The following KIF15 variants were observed in gnomAD, a reference collection of about 807,000 sequenced individuals.
KIF15 encodes kinesin-like protein KIF15.
Under a neutral mutation model 190.6 loss-of-function variants are expected in KIF15, and 140 were observed. That is an observed-to-expected ratio of 0.73 (90% confidence interval 0.64 to 0.84). The LOEUF is 0.84. KIF15 is among the 40% of genes least tolerant of loss of function. The pLI is 0.00. For synonymous variants in KIF15, 528 were observed against 551.3 expected (o/e 0.96, Z 0.59); for missense variants, 1,372 against 1,584.4 (o/e 0.87, Z 2.28).
At chr3:44,853,840 C>CT (rs765993948), downstream of KIF15, among the ~76,000 whole-genome samples, 32 of 152,230 alleles carry the variant, frequency 2.1e-4, no homozygotes, top group Non-Finnish European at 4.1e-4. Flanking sequence ...AGGGAACATG[C>CT]TACAACATGA....
chr3:44,775,285 C>A lies in KIF15; in HGVS notation c.94C>A (p.Arg32=). 3 of 1,613,218 alleles carry A rather than the reference C, an allele frequency of 1.9e-6. No individual in the cohort carries two copies. The highest frequency in any genetic ancestry group is 1.7e-6 in the Non-Finnish European group (2 of 1,179,656). ...AGGTGATGCCATCAAAGTTTTTGTGCGAATTCGTCCTCCTGCAGAAAGATC... is the reference window on the plus strand; with the variant it reads ...AGGTGATGCCATCAAAGTTTTTGTGAGAATTCGTCCTCCTGCAGAAAGATC... ...NEGDAIKVFV[R]IRPPAERSGS... The change falls in exon 3 of 35, where the codon CGA becomes AGA. Residue 32 remains arginine, a synonymous_variant. Coordinates refer to ENST00000326047, the MANE Select transcript of KIF15 (RefSeq NM_020242.3).
At chr3:44,792,258 T>A (rs1335461542) in intron 7 of KIF15, among the ~76,000 whole-genome samples, 2 of 151,772 alleles carry the variant, frequency 1.3e-5, no homozygotes, top group African/African-American at 2.4e-5. Flanking sequence ...GGTGGATCAC[T>A]TGAGGTCAGG....
At chr3:44,804,153 T>C (rs1707392829) in intron 14 of KIF15, among the ~76,000 whole-genome samples, 1 of 152,160 alleles carries the variant, frequency 6.6e-6, no homozygotes. Flanking sequence ...TGACTTAGGT[T>C]TTCTGTTTTA....
intron 6 of KIF15, among the ~76,000 whole-genome samples, chr3:44,867,282 C>T (rs1699332217): frequency 6.6e-6 from 1 of 152,210 alleles, no homozygotes; most frequent in Non-Finnish European, 1.5e-5. Context: ...TGTGACTCAG[C>T]ATGCCCAAAC....
chr3:44,819,667 ATG>A (rs1160039988), intron 20 of KIF15, among the ~76,000 whole-genome samples: 1 of 152,072 alleles, frequency 6.6e-6, no homozygotes, highest in African/African-American at 2.4e-5. Flanking sequence ...ACTTTTAACT[ATG>A]TGGTCAATTT....
At position 44,800,314 on chromosome 3, in the gene KIF15, G is replaced by T. The variant is rs1707205572; in HGVS notation, c.1099G>T (p.Ala367Ser). ...AQRAKLIKNKAVVNEDTQGNV... is the reference protein window; with the variant it reads ...AQRAKLIKNKSVVNEDTQGNV... ...TGCTTTTTAAAAAATTCCTGAACAG[G>T]CAGTAGTAAATGAAGACACCCAAGG... Residue 367 changes from alanine (A) to serine (S), a missense_variant and splice_region_variant, in exon 11 of 35, where the codon GCA (alanine) becomes TCA (serine). By Grantham distance (99) the Ala-to-Ser change is moderately conservative. Transcript: ENST00000326047. 6.2e-7 allele frequency: 1 copy of T among 1,613,648 alleles called. No individual in the cohort carries two copies. Among genetic ancestry groups the T allele is most frequent in the Non-Finnish European group, 8.5e-7 (1 of 1,179,914 alleles).
intron 20 of KIF15, among the ~76,000 whole-genome samples, chr3:44,821,411 G>A (rs1169031707): frequency 7.4e-6 from 1 of 135,214 alleles, no homozygotes; most frequent in African/African-American, 2.7e-5. Flanking sequence ...CTCAGACGGG[G>A]CGGTCGGGCA....
At chr3:44,840,627 A>G (rs559255612) in intron 28 of KIF15, among the ~76,000 whole-genome samples, 171 bp downstream of exon 28, 1 of 151,834 alleles carries the variant, frequency 6.6e-6, no homozygotes, top group South Asian at 2.1e-4. Flanking sequence ...TCCTTGGAAA[A>G]GAATTAGAAT....
Position 44,789,642 on chromosome 3 carries a change from TTATATATATATATATATATATATATA to T in KIF15, c.639+3093_639+3118del, listed in dbSNP as rs56009369. Among the ~76,000 whole-genome samples the T allele has an allele frequency of 1.5e-3, 168 of 113,606 alleles. 3 individuals carry two copies. The highest frequency in any genetic ancestry group is 3.4e-3 in the South Asian group (12 of 3,484). The allele number at this position is 113,606 out of a possible 152,430, so 74.5% of individuals were successfully genotyped here. ...GTTTCATTGCGATTTTTGTCTAATT[TTATATATATATATATATATATATATA>T]TATATATATATATATATATATATAA... On this transcript the variant is annotated intron_variant, in intron 7 of 34. Transcript: ENST00000326047.
intron 32 of KIF15, among the ~76,000 whole-genome samples, chr3:44,850,711 C>G (rs888626654): frequency 2.6e-5 from 4 of 151,992 alleles, no homozygotes; most frequent in African/African-American, 4.8e-5. Context: ...TGCCCTTCTC[C>G]CCAGACTGTC....
At position 44,786,914 on chromosome 3, in the gene KIF15, A is replaced by G. The variant is rs192642542; in HGVS notation, c.639+340A>G. On this transcript the variant is annotated intron_variant, in intron 7 of 34. Coordinates refer to ENST00000326047, the MANE Select transcript of KIF15 (RefSeq NM_020242.3). ...TTAAACCAGCTGGCTGTTCTTTTCT[A>G]CGTTGCTTGCTTGTTAGGTGTCAAA... Among the ~76,000 whole-genome samples the G allele has an allele frequency of 4.6e-3, 698 of 152,222 alleles. 3 individuals carry two copies. Among genetic ancestry groups the G allele is most frequent in the Middle Eastern group, 0.014 (4 of 294 alleles).
intron 1 of KIF15, among the ~76,000 whole-genome samples, chr3:44,768,399 TGAG>T (rs1705501231): frequency 6.6e-6 from 1 of 152,006 alleles, no homozygotes; most frequent in African/African-American, 2.4e-5. Context: ...CATCGAAAGA[TGAG>T]GAGAGTGGAA....
chr3:44,815,144 A>G, intron 20 of KIF15, 68 bp downstream of exon 20: 1 of 1,287,530 alleles, frequency 7.8e-7, no homozygotes. Flanking sequence ...TGAAGTTGGA[A>G]GTGTTATAAA....
At chr3:44,836,977 T>C (rs1322566259) in intron 26 of KIF15, among the ~76,000 whole-genome samples, 1 of 152,198 alleles carries the variant, frequency 6.6e-6, no homozygotes, top group African/African-American at 2.4e-5. Flanking sequence ...ATTTGTCCAG[T>C]TGCCATGATC....
rs1398577499 is a variant in KIF15 at position 44,774,491 on chromosome 3, T to G, written c.62+54T>G. ...CCCAAAGGACTAGGGATGGAATATT[T>G]TTAAAATAACCATTTAGCATAGTAA... On this transcript the variant is annotated intron_variant, in intron 2 of 34. Coordinates refer to ENST00000326047, the MANE Select transcript of KIF15 (RefSeq NM_020242.3). 1.7e-5 allele frequency: 24 copies of G among 1,451,986 alleles called. No individual in the cohort carries two copies. In the East Asian group the frequency reaches 3.9e-4, roughly 23 times the overall value. The allele number at this position is 1,451,986 out of a possible 1,614,324, so 89.9% of individuals were successfully genotyped here.
chr3:44,853,426 G>T (rs1280641818), downstream of KIF15, among the ~76,000 whole-genome samples: 6 of 152,092 alleles, frequency 3.9e-5, no homozygotes, highest in Admixed American at 3.9e-4. Context: ...CCATTTTATG[G>T]ATATGCTACA....
At chr3:44,865,374 G>A in intron 6 of KIF15, 2 of 708,670 alleles carry the variant, frequency 2.8e-6, no homozygotes, top group Non-Finnish European at 4.6e-6. Flanking sequence ...TACCGGAAGT[G>A]TTTTGATCAT....
chr3:44,828,347 T>C lies in KIF15; in HGVS notation c.2943+47T>C, dbSNP rs202180690. The C allele has an allele frequency of 2.2e-6, 3 of 1,362,196 alleles. No individual in the cohort carries two copies. In the East Asian group the frequency reaches 6.9e-5, roughly 31 times the overall value. The allele number at this position is 1,362,196 out of a possible 1,614,324, so 84.4% of individuals were successfully genotyped here. On this transcript the variant is annotated intron_variant, in intron 24 of 34. Coordinates refer to ENST00000326047, the MANE Select transcript of KIF15 (RefSeq NM_020242.3). ...ATCTCTCTGTGCATTTTCTTATAAA[T>C]GCTAGTTTAACATTTTGTTCTCCTA...
intron 30 of KIF15, among the ~76,000 whole-genome samples, chr3:44,843,991 T>A (rs569066265): frequency 6.6e-6 from 1 of 152,322 alleles, no homozygotes; most frequent in East Asian, 1.9e-4. Context: ...GGTAGAATTA[T>A]GATTCTGCCT....
Sources: allele counts gnomAD v4.1 joint callset (sites outside exome capture counted in the v4.1 genomes callset), GRCh38; gene constraint gnomAD v4.1.1; transcripts MANE v1.5; gene names NCBI Gene and HGNC (gene_info 2026-07-23, HGNC 2026-07-21).